The following SLC38A11 variants were observed in gnomAD, a reference collection of about 807,000 sequenced individuals.
SLC38A11 encodes the protein putative sodium-coupled neutral amino acid transporter 11.
Under a neutral mutation model 49.4 loss-of-function variants are expected in SLC38A11, and 51 were observed. That is an observed-to-expected ratio of 1.03 (90% CI 0.83 to 1.30). The LOEUF is 1.30. Among genes scored for constraint, SLC38A11 ranks in the 50% most tolerant of loss-of-function variants. SLC38A11 has a pLI of 0.00. For synonymous variants in SLC38A11, 203 were observed against 192.9 expected, an observed-to-expected ratio of 1.05 and a Z score of -0.43; for missense variants, 574 against 556.2, an observed-to-expected ratio of 1.03 and a Z score of -0.32.
Position 164,915,883 on chromosome 2 carries a change from C to A in SLC38A11, c.688+20G>T. 2 of 1,577,884 alleles carry A rather than the reference C, an allele frequency of 1.3e-6. No individual in the cohort carries two copies. The highest frequency in any genetic ancestry group is 1.7e-6 in the Non-Finnish European group (2 of 1,153,874). ...AGAGAACTCCACATTGAGAAAGGGC[C>A]TTTGAAACCAAATACTCACCAAAAG... On this transcript the variant is annotated intron_variant, in intron 8 of 11. Coordinates refer to ENST00000685975, the MANE Select transcript of SLC38A11 (RefSeq NM_001351537.2).
intron 3 of SLC38A11, among the ~76,000 whole-genome samples, chr2:164,950,362 G>A (rs1312340865): frequency 6.6e-6 from 1 of 152,126 alleles, no homozygotes; most frequent in Non-Finnish European, 1.5e-5. Context: ...GTATGGTTGG[G>A]ATGAGAACAC....
chr2:164,931,392 T>C (rs945307964), intron 7 of SLC38A11, among the ~76,000 whole-genome samples: 1 of 151,846 alleles, frequency 6.6e-6, no homozygotes, highest in Admixed American at 6.6e-5. Context: ...GAACTACCAA[T>C]GACATTCTTC....
intron 7 of SLC38A11, among the ~76,000 whole-genome samples, chr2:164,924,756 A>G (rs943068207): frequency 3.3e-5 from 5 of 152,020 alleles, no homozygotes; most frequent in South Asian, 2.1e-4. Context: ...TTATTTTGAG[A>G]TGGAGTCTCG....
intron 7 of SLC38A11, among the ~76,000 whole-genome samples, chr2:164,916,578 G>C (rs1685806163): frequency 6.6e-6 from 1 of 152,076 alleles, no homozygotes; most frequent in South Asian, 2.1e-4. Context: ...AACTTGCCAA[G>C]CTTCCACAAA....
Position 164,915,164 on chromosome 2 carries a change from G to A in SLC38A11, c.798C>T (p.Ile266=). ...ATCCACATGTAGCAAAGAATATACAGATAAATACAGAAATCACGATGGACA... is the reference window on the plus strand; with the variant it reads ...ATCCACATGTAGCAAAGAATATACAAATAAATACAGAAATCACGATGGACA... ...IHMSIVISVF[I]CIFFATCGYL... Residue 266 remains isoleucine (I), a synonymous_variant, in exon 9 of 12, where the codon ATC becomes ATT. Transcript: ENST00000685975. 1 of 1,612,264 alleles carries A rather than the reference G, an allele frequency of 6.2e-7. No individual in the cohort carries two copies. Among genetic ancestry groups the A allele is most frequent in the Non-Finnish European group, 8.5e-7 (1 of 1,178,976 alleles).
intron 3 of SLC38A11, among the ~76,000 whole-genome samples, chr2:164,950,773 C>G (rs1040566938): frequency 1.9e-4 from 29 of 152,206 alleles, no homozygotes; most frequent in Non-Finnish European, 4.0e-4. Flanking sequence ...GAAAAACTTG[C>G]TGTTGAACTG....
intron 7 of SLC38A11, among the ~76,000 whole-genome samples, chr2:164,934,801 C>T (rs1687244611): frequency 6.6e-6 from 1 of 152,044 alleles, no homozygotes; most frequent in African/African-American, 2.4e-5. Context: ...TTATGGTATT[C>T]TGTTTAATAT....
rs1347633414 is a variant in SLC38A11 at position 164,894,559 on chromosome 2, C to G, written c.*3878G>C. Reference sequence around the variant, plus strand: ...GAAAACTTGGTGTTCTTTTGAGAAACTGATATATTTTCTTCATTCTCACAA... The same window carrying G: ...GAAAACTTGGTGTTCTTTTGAGAAAGTGATATATTTTCTTCATTCTCACAA... On this transcript the variant is annotated 3_prime_UTR_variant, in exon 12 of 12. Transcript: ENST00000685975. 2.0e-5 allele frequency among the ~76,000 whole-genome samples: 3 copies of G among 152,098 alleles called. No homozygotes were observed. Among genetic ancestry groups the G allele is most frequent in the African/African-American group, 4.8e-5 (2 of 41,414 alleles).
rs886374299 is a variant in SLC38A11, at chr2:164,954,142, T to C, written c.154+489A>G. On this transcript the variant is annotated intron_variant, in intron 2 of 11. Transcript: ENST00000685975. Reference sequence around the variant, plus strand: ...TTGTACTTTAAAATTTAACACTGTATAGATAGGTAAAGAATGTATGAATTT... The same window carrying C: ...TTGTACTTTAAAATTTAACACTGTACAGATAGGTAAAGAATGTATGAATTT... Among the ~76,000 whole-genome samples, 5 of 152,294 alleles carry C rather than the reference T, an allele frequency of 3.3e-5. No individual in the cohort carries two copies. In the East Asian group the frequency reaches 7.7e-4, roughly 23 times the overall value.
chr2:164,936,620 T>A (rs1183920549), intron 7 of SLC38A11, among the ~76,000 whole-genome samples: 1 of 152,176 alleles, frequency 6.6e-6, no homozygotes, highest in African/African-American at 2.4e-5. Context: ...ATTGTGGAAA[T>A]CCAATTCAGT....
intron 7 of SLC38A11, among the ~76,000 whole-genome samples, chr2:164,917,061 A>G (rs1007778958): frequency 6.6e-6 from 1 of 152,198 alleles, no homozygotes; most frequent in Non-Finnish European, 1.5e-5. Context: ...AACAGTTATT[A>G]GTATTAATGT....
Position 164,897,816 on chromosome 2 carries a change from A to G in SLC38A11, c.*621T>C, listed in dbSNP as rs1222056726. 2.0e-5 allele frequency: 3 copies of G among 152,030 alleles called. No individual in the cohort carries two copies. Among genetic ancestry groups the G allele is most frequent in the African/African-American group, 7.3e-5 (3 of 41,372 alleles). The allele number at this position is 152,030 out of a possible 1,614,324, so 9.4% of individuals were successfully genotyped here. ...CATTGTATTCCCACAGCATCAGAAGATGGGAGGTGATTTTGATTCTTTACA... is the reference window on the plus strand; with the variant it reads ...CATTGTATTCCCACAGCATCAGAAGGTGGGAGGTGATTTTGATTCTTTACA... On this transcript the variant is annotated 3_prime_UTR_variant, in exon 12 of 12. Coordinates refer to ENST00000685975, the MANE Select transcript of SLC38A11 (RefSeq NM_001351537.2).
chr2:164,930,380 G>C (rs1052975165), intron 7 of SLC38A11, among the ~76,000 whole-genome samples: 3 of 151,862 alleles, frequency 2.0e-5, no homozygotes, highest in Admixed American at 6.6e-5. Flanking sequence ...AGGAGGAGGG[G>C]CTCCTCCCTA....
chr2:164,953,921 A>T (rs986317000), intron 2 of SLC38A11, among the ~76,000 whole-genome samples: 1 of 152,116 alleles, frequency 6.6e-6, no homozygotes, highest in Non-Finnish European at 1.5e-5. Context: ...AGCTGCTTTT[A>T]TTACTATAAT....
rs549891518 is a variant in SLC38A11 at position 164,901,764 on chromosome 2, G to A, written c.1096-3034C>T. On this transcript the variant is annotated intron_variant, in intron 11 of 11. Coordinates refer to ENST00000685975, the MANE Select transcript of SLC38A11 (RefSeq NM_001351537.2). ...TTTTATTTCTTTTTGTTGTCTGATT[G>A]CTCTTGCTAGTACTTCCAGTACTAT... is the stretch of plus-strand genomic sequence containing the variant. 4.6e-5 allele frequency among the ~76,000 whole-genome samples: 7 copies of A among 152,102 alleles called. 1 individual carries two copies. In the South Asian group the frequency reaches 1.5e-3, roughly 32 times the overall value.
chr2:164,955,320 C>A lies in SLC38A11; in HGVS notation c.-73G>T. The A allele has an allele frequency of 7.1e-7, 1 of 1,400,810 alleles. No homozygotes were observed. The highest frequency in any genetic ancestry group is 2.0e-5 in the Admixed American group (1 of 50,704). 86.8% of individuals were successfully genotyped at this position (1,400,810 alleles called of 1,614,324 possible). On this transcript the variant is annotated 5_prime_UTR_variant, in exon 1 of 12. Transcript: ENST00000685975. ...GGATTCGCACCCGGCCAGCCTCCTC[C>A]GCCACCTCGCACACAGCCGAGGTCC...
intron 11 of SLC38A11, among the ~76,000 whole-genome samples, chr2:164,901,515 C>T (rs1381972529): frequency 2.6e-5 from 4 of 151,942 alleles, no homozygotes; most frequent in Non-Finnish European, 5.9e-5. Flanking sequence ...TTTTTTGATG[C>T]TATCATAAAT....
intron 11 of SLC38A11, among the ~76,000 whole-genome samples, chr2:164,900,485 T>C (rs940813535): frequency 6.6e-6 from 1 of 152,132 alleles, no homozygotes; most frequent in African/African-American, 2.4e-5. Flanking sequence ...TTTTTGATCA[T>C]AGCCATCCTA....
At chr2:164,907,270 C>CTATTT (rs1685074291) in intron 11 of SLC38A11, among the ~76,000 whole-genome samples, 1 of 97,916 alleles carries the variant, frequency 1.0e-5, no homozygotes, top group Non-Finnish European at 1.9e-5. Context: ...CTTCTTTTCT[C>CTATTT]TTTTTTTTTT....
Sources: allele counts gnomAD v4.1 joint callset (sites outside exome capture counted in the v4.1 genomes callset), GRCh38; gene constraint gnomAD v4.1.1; transcripts MANE v1.5; gene names NCBI Gene and HGNC (gene_info 2026-07-23, HGNC 2026-07-21).